Variants in ST6GALNAC3 observed in about 807,000 individuals in gnomAD.
ST6GALNAC3 encodes the protein alpha-N-acetylgalactosaminide alpha-2,6-sialyltransferase 3.
In ST6GALNAC3, 25 loss-of-function variants were observed where a neutral mutation model predicts 32.7. That is an observed-to-expected ratio of 0.76 (90% CI 0.56 to 1.07). The LOEUF is 1.07. Ranked by LOEUF, ST6GALNAC3 falls within the 50% of genes least tolerant of loss-of-function variation. ST6GALNAC3 has a pLI of 0.00. For missense variants in ST6GALNAC3, 355 were observed against 382.4 expected, an observed-to-expected ratio of 0.93 and a Z score of 0.60; for synonymous variants, 129 against 133.1, an observed-to-expected ratio of 0.97 and a Z score of 0.21.
intron 1 of ST6GALNAC3, among the ~76,000 whole-genome samples, chr1:76,147,244 G>A (rs1402169434): frequency 1.3e-5 from 2 of 151,838 alleles, no homozygotes; most frequent in African/African-American, 4.8e-5. Flanking sequence ...TGTATTTTTA[G>A]TAGAGACAGG....
intron 3 of ST6GALNAC3, among the ~76,000 whole-genome samples, chr1:76,528,673 G>T (rs897668087): frequency 1.3e-5 from 2 of 151,722 alleles, no homozygotes; most frequent in African/African-American, 4.8e-5. Flanking sequence ...TTCAGGTACT[G>T]TTCTCTCTCC....
chr1:76,483,386 G>C (rs1659871638), intron 3 of ST6GALNAC3, among the ~76,000 whole-genome samples: 1 of 152,134 alleles, frequency 6.6e-6, no homozygotes, highest in South Asian at 2.1e-4. Context: ...TCCAGCACTT[G>C]TTCTTTCCTG....
intron 1 of ST6GALNAC3, among the ~76,000 whole-genome samples, chr1:76,217,768 T>A (rs1468448194): frequency 6.6e-6 from 1 of 152,196 alleles, no homozygotes; most frequent in Non-Finnish European, 1.5e-5. Context: ...ACATACGATG[T>A]TTGGTTTTCC....
intron 1 of ST6GALNAC3, among the ~76,000 whole-genome samples, chr1:76,255,566 G>A (rs1657874304): frequency 6.6e-6 from 1 of 151,992 alleles, no homozygotes; most frequent in South Asian, 2.1e-4. Flanking sequence ...TTGTTCAGTT[G>A]GTACAAAGTT....
chr1:76,151,410 G>A (rs1651032978), intron 1 of ST6GALNAC3, among the ~76,000 whole-genome samples: 1 of 152,218 alleles, frequency 6.6e-6, no homozygotes, highest in Non-Finnish European at 1.5e-5. Flanking sequence ...AAAAGGTTTA[G>A]TCCCTCGTAG....
intron 1 of ST6GALNAC3, among the ~76,000 whole-genome samples, chr1:76,275,806 C>A (rs1252353870): frequency 1.3e-5 from 2 of 152,010 alleles, no homozygotes; most frequent in Admixed American, 1.3e-4. Flanking sequence ...CTTGTATTGT[C>A]TTGTATATAC....
chr1:76,461,425 A>G (rs969564003), intron 3 of ST6GALNAC3, among the ~76,000 whole-genome samples: 4 of 152,200 alleles, frequency 2.6e-5, no homozygotes, highest in African/African-American at 9.7e-5. Context: ...GCATAAAATT[A>G]TTTAAAAACA....
At chr1:76,206,170 A>G (rs971234420) in intron 1 of ST6GALNAC3, among the ~76,000 whole-genome samples, 5 of 152,348 alleles carry the variant, frequency 3.3e-5, no homozygotes, top group African/African-American at 1.2e-4. Context: ...CTATGATTCC[A>G]TGGTGAAAGG....
At chr1:76,595,745 T>C (rs1323124635) in intron 3 of ST6GALNAC3, among the ~76,000 whole-genome samples, 2 of 152,136 alleles carry the variant, frequency 1.3e-5, no homozygotes, top group African/African-American at 4.8e-5. Flanking sequence ...CAGTTACATA[T>C]ATAAAAGTGA....
At chr1:76,598,378 T>C (rs1402703942) in intron 3 of ST6GALNAC3, among the ~76,000 whole-genome samples, 1 of 152,154 alleles carries the variant, frequency 6.6e-6, no homozygotes, top group Admixed American at 6.6e-5. Context: ...TGCACTTATG[T>C]ACTTCCATCC....
intron 3 of ST6GALNAC3, among the ~76,000 whole-genome samples, chr1:76,425,658 C>T (rs966503748): frequency 2.6e-5 from 4 of 151,966 alleles, no homozygotes; most frequent in Admixed American, 2.6e-4. Context: ...TATTTATAAA[C>T]CATGTTCATC....
intron 1 of ST6GALNAC3, among the ~76,000 whole-genome samples, chr1:76,281,843 A>G (rs1659513634): frequency 6.6e-6 from 1 of 152,092 alleles, no homozygotes; most frequent in South Asian, 2.1e-4. Flanking sequence ...ACATTTTTAG[A>G]CCGAATTGGC....
chr1:76,525,117 A>G (rs879781900), intron 3 of ST6GALNAC3, among the ~76,000 whole-genome samples: 11 of 152,136 alleles, frequency 7.2e-5, no homozygotes, highest in African/African-American at 2.4e-4. Flanking sequence ...GAGTAACAAT[A>G]TAAATGACTT....
intron 2 of ST6GALNAC3, among the ~76,000 whole-genome samples, chr1:76,407,997 A>G (rs17098937): frequency 0.028 from 4,325 of 152,210 alleles, 210 homozygotes; most frequent in African/African-American, 0.096. Context: ...AGATAACTAG[A>G]TAAGAGCAGA....
At chr1:76,457,712 A>G (rs1455865654) in intron 3 of ST6GALNAC3, among the ~76,000 whole-genome samples, 1 of 152,170 alleles carries the variant, frequency 6.6e-6, no homozygotes, top group African/African-American at 2.4e-5. Context: ...TCCCTTCCTT[A>G]CACCTTATAC....
chr1:76,359,326 A>T (rs573159757), intron 2 of ST6GALNAC3, among the ~76,000 whole-genome samples: 1 of 152,298 alleles, frequency 6.6e-6, no homozygotes, highest in East Asian at 1.9e-4. Context: ...CAGATGTAAG[A>T]TGTAGTAGGA....
At chr1:76,454,412 G>T (rs1351188024) in intron 3 of ST6GALNAC3, among the ~76,000 whole-genome samples, 1 of 152,010 alleles carries the variant, frequency 6.6e-6, no homozygotes, top group Non-Finnish European at 1.5e-5. Flanking sequence ...GTTCTATTTT[G>T]GTGTGTTTTG....
chr1:76,494,649 G>GCGCACACACACACA (rs142496688), intron 3 of ST6GALNAC3, among the ~76,000 whole-genome samples: 2 of 67,702 alleles, frequency 3.0e-5, no homozygotes, highest in African/African-American at 1.3e-4. Flanking sequence ...ATGTGTATGC[G>GCGCACACACACACA]CACACACACA....
At chr1:76,569,387 A>G (rs1665734764) in intron 3 of ST6GALNAC3, among the ~76,000 whole-genome samples, 1 of 152,172 alleles carries the variant, frequency 6.6e-6, no homozygotes, top group South Asian at 2.1e-4. Flanking sequence ...AACTAAGTAC[A>G]GGGGCTGCCC....
Sources: gnomAD v4.1 joint callset for allele counts (sites outside exome capture counted in the v4.1 genomes callset) on GRCh38, gnomAD v4.1.1 for gene constraint, MANE v1.5 for transcripts, NCBI Gene and HGNC (gene_info 2026-07-23, HGNC 2026-07-21) for gene names.